Variants in USP45 observed in about 807,000 individuals in gnomAD.
USP45 encodes the protein ubiquitin carboxyl-terminal hydrolase 45.
A neutral mutation model predicts 95.8 loss-of-function variants in USP45; 89 were observed. The observed-to-expected ratio is 0.93, with a 90% confidence interval of 0.78 to 1.11. The LOEUF (loss-of-function observed/expected upper bound fraction) is 1.11, where lower values mean the gene tolerates loss of function less well. Among genes scored for constraint, USP45 ranks in the 50% least tolerant of loss-of-function variants. The pLI is 0.00. For synonymous variants in USP45, 281 were observed against 316.2 expected (o/e 0.89, Z 1.18); for missense variants, 898 against 942.5 (o/e 0.95, Z 0.62).
intron 7 of USP45, among the ~76,000 whole-genome samples, chr6:99,483,552 C>G (rs1792949777): frequency 6.6e-6 from 1 of 152,068 alleles, no homozygotes. Flanking sequence ...AGAATGTTAT[C>G]TTCCGGCCGG....
intron 13 of USP45, 35 bp from the exon 14 acceptor site, chr6:99,446,498 T>G (rs765988253): frequency 4.7e-6 from 7 of 1,496,926 alleles, no homozygotes; most frequent in Non-Finnish European, 5.4e-6. Context: ...GAAAAGAGTC[T>G]TGTAACCTCA....
intron 15 of USP45, among the ~76,000 whole-genome samples, chr6:99,442,275 C>T (rs1781666433): frequency 6.6e-6 from 1 of 152,204 alleles, no homozygotes; most frequent in African/African-American, 2.4e-5. Context: ...CAGATGTACC[C>T]TTTCCATTAG....
chr6:99,515,994 G>A (rs1801072307), upstream of USP45, among the ~76,000 whole-genome samples: 1 of 151,746 alleles, frequency 6.6e-6, no homozygotes, highest in South Asian at 2.1e-4. Flanking sequence ...AGCCAGGATG[G>A]TCTCGATCTC....
At chr6:99,438,132 A>G (rs9399180) in intron 16 of USP45, among the ~76,000 whole-genome samples, 143,417 of 152,292 alleles carry the variant, frequency 0.94, 68,102 homozygotes, top group East Asian at 1. Flanking sequence ...TAAAATGTCT[A>G]TAAATTGGGG....
chr6:99,459,161 G>C (rs953847774), intron 13 of USP45, among the ~76,000 whole-genome samples: 5 of 151,894 alleles, frequency 3.3e-5, no homozygotes, highest in Non-Finnish European at 7.4e-5. Context: ...CCTCCAGTAG[G>C]CCCCAGTGTC....
intron 8 of USP45, among the ~76,000 whole-genome samples, chr6:99,478,889 A>G (rs1029571212): frequency 2.0e-5 from 3 of 152,202 alleles, no homozygotes; most frequent in Admixed American, 6.5e-5. Context: ...TGGTTCATGT[A>G]CACACAATAT....
At chr6:99,442,367 C>T (rs888480963) in intron 15 of USP45, among the ~76,000 whole-genome samples, 1 of 152,146 alleles carries the variant, frequency 6.6e-6, no homozygotes, top group African/African-American at 2.4e-5. Flanking sequence ...ACAACCTTGG[C>T]TATGGAAGAA....
At chr6:99,436,261 A>C (rs942768599) in intron 17 of USP45, among the ~76,000 whole-genome samples, 1 of 152,136 alleles carries the variant, frequency 6.6e-6, no homozygotes, top group Non-Finnish European at 1.5e-5. Flanking sequence ...ATAATTAATA[A>C]TGCTGTCTGG....
At chr6:99,484,950 T>G (rs892889625) in intron 7 of USP45, among the ~76,000 whole-genome samples, 2 of 152,158 alleles carry the variant, frequency 1.3e-5, no homozygotes, top group African/African-American at 4.8e-5. Flanking sequence ...AAGTACCAAG[T>G]TGCACTTCCC....
At chr6:99,463,946 A>C (rs540419306) in intron 13 of USP45, among the ~76,000 whole-genome samples, 2 of 151,982 alleles carry the variant, frequency 1.3e-5, no homozygotes, top group Non-Finnish European at 2.9e-5. Context: ...CTGAATCCTT[A>C]TTTATTTATA....
chr6:99,501,747 A>G (rs183662026), intron 5 of USP45: 8 of 313,612 alleles, frequency 2.6e-5, no homozygotes, highest in Non-Finnish European at 1.6e-5. Flanking sequence ...TACGTTATGT[A>G]TTATTTATTT....
chr6:99,469,166 ATGGTTTTACTTGAACTTAGT>A (rs1788690465), intron 9 of USP45, among the ~76,000 whole-genome samples: 1 of 152,064 alleles, frequency 6.6e-6, no homozygotes, highest in Non-Finnish European at 1.5e-5. Flanking sequence ...AATTTTAATT[ATGGTTTTACTTGAACTTAGT>A]TGTCAATAAT....
At position 99,475,984 on chromosome 6, in the gene USP45, G is replaced by A. The variant is rs779077569; in HGVS notation, c.933+159C>T. On this transcript the variant is annotated intron_variant, in intron 9 of 17. Transcript: ENST00000500704. ...GAATTACAGGTATGCACCACCATGC[G>A]CGGCTAATTTTTATTAGAGACGAGG... Among the ~76,000 whole-genome samples, 37 of 152,008 alleles carry A rather than the reference G, an allele frequency of 2.4e-4. 1 individual carries two copies. Among genetic ancestry groups the A allele is most frequent in the African/African-American group, 5.3e-4 (22 of 41,392 alleles).
chr6:99,461,870 G>A, intron 13 of USP45: 4 of 984,196 alleles, frequency 4.1e-6, no homozygotes, highest in Non-Finnish European at 4.8e-6. Flanking sequence ...AGCAAAACAA[G>A]ACTTTATTGA....
chr6:99,461,481 A>G, intron 13 of USP45: 2 of 985,394 alleles, frequency 2.0e-6, no homozygotes, highest in African/African-American at 3.5e-5. Context: ...CAGAAATTGC[A>G]CACACTAGTT....
intron 8 of USP45, among the ~76,000 whole-genome samples, chr6:99,477,626 T>G (rs897950561): frequency 6.6e-6 from 1 of 152,212 alleles, no homozygotes; most frequent in Non-Finnish European, 1.5e-5. Context: ...TGCAGTACTT[T>G]CAGCATTATT....
chr6:99,455,089 CAA>C (rs56978977), intron 13 of USP45, among the ~76,000 whole-genome samples: 10 of 126,692 alleles, frequency 7.9e-5, no homozygotes, highest in Middle Eastern at 4.2e-3. Flanking sequence ...CACTCCATCT[CAA>C]AAAAAAAAAA....
chr6:99,448,606 G>A (rs1414664135), intron 13 of USP45, among the ~76,000 whole-genome samples: 1 of 152,154 alleles, frequency 6.6e-6, no homozygotes, highest in Non-Finnish European at 1.5e-5. Context: ...CACTCTGCAG[G>A]ATATTATCCA....
chr6:99,494,822 A>G (rs1018335566), intron 5 of USP45, among the ~76,000 whole-genome samples: 4 of 152,178 alleles, frequency 2.6e-5, no homozygotes, highest in African/African-American at 9.7e-5. Context: ...TGAACCCGGG[A>G]GGCAGAGGTT....
Sources: gnomAD v4.1 joint callset for allele counts (sites outside exome capture counted in the v4.1 genomes callset) on GRCh38, gnomAD v4.1.1 for gene constraint, MANE v1.5 for transcripts, NCBI Gene and HGNC (gene_info 2026-07-23, HGNC 2026-07-21) for gene names.